The following ACSM3 variants were observed in gnomAD, a reference collection of about 807,000 sequenced individuals.
ACSM3 encodes the protein acyl-CoA synthetase medium chain family member 3, also known as acyl-coenzyme A synthetase ACSM3, mitochondrial.
ACSM3 carries 61 observed loss-of-function variants against 74.1 expected under a neutral mutation model. That is an observed-to-expected ratio of 0.82 (90% CI 0.67 to 1.02). The LOEUF (loss-of-function observed/expected upper bound fraction) is 1.02, where lower values mean the gene tolerates loss of function less well. Ranked by LOEUF, ACSM3 falls within the 50% of genes least tolerant of loss-of-function variation. ACSM3 has a pLI of 0.00. For synonymous variants in ACSM3, 213 were observed against 241.5 expected, an observed-to-expected ratio of 0.88 and a Z score of 1.09; for missense variants, 660 against 697.0, an observed-to-expected ratio of 0.95 and a Z score of 0.60.
At position 20,785,000 on chromosome 16, in the gene ACSM3, T is replaced by C. The variant is rs751545090; in HGVS notation, c.1036T>C (p.Leu346=). 3.7e-6 allele frequency: 6 copies of C among 1,613,498 alleles called. No individual in the cohort carries two copies. In the East Asian group the frequency reaches 1.3e-4, roughly 36 times the overall value. ...TCTGAGAAGCTATAAGTTTAAAAGC[T>C]TAAAGCACTGTGTGAGTGCTGGGGA... ...NDITSYKFKS[L]KHCVSAGEPI... is the part of the protein sequence containing the mutation. The change falls in exon 8 of 14, where the codon TTA becomes CTA. Residue 346 remains leucine, a synonymous_variant. Coordinates refer to ENST00000289416, the MANE Select transcript of ACSM3 (RefSeq NM_005622.4).
At chr16:20,680,794 G>T (rs1008121794) in intron 1 of ACSM3, 2 of 152,194 alleles carry the variant, frequency 1.3e-5, no homozygotes, top group Admixed American at 6.5e-5. Flanking sequence ...TCAACTAGAG[G>T]TTCCAAATGC....
In ACSM3 at chr16:20,790,826, A is replaced by C. The variant is rs765652600; in HGVS notation, c.1326+138A>C. ...ATTGGTTGTCCTGAATAGTAATCCA[A>C]AAGACAAGAAATTGAAGAAATACCC... On this transcript the variant is annotated intron_variant, in intron 10 of 13. Transcript: ENST00000289416. The surrounding 1 kb of genome is among the most constrained non-coding windows in gnomAD (Gnocchi z 4.0). The C allele has an allele frequency of 6.2e-7, 1 of 1,613,868 alleles. No homozygotes were observed. The highest frequency in any genetic ancestry group is 1.3e-5 in the African/African-American group (1 of 74,922).
intron 1 of ACSM3, among the ~76,000 whole-genome samples, chr16:20,683,573 C>T (rs2079488576): frequency 6.6e-6 from 1 of 152,040 alleles, no homozygotes; most frequent in Admixed American, 6.6e-5. Context: ...ATGCCTCACC[C>T]CATGCTTGGA....
In ACSM3 at chr16:20,770,609, G is replaced by A. The variant is rs541894723; in HGVS notation, c.219+356G>A. 1.5e-4 allele frequency among the ~76,000 whole-genome samples: 23 copies of A among 152,170 alleles called. 1 individual carries two copies. The highest frequency in any genetic ancestry group is 3.1e-4 in the Non-Finnish European group (21 of 68,006). On this transcript the variant is annotated intron_variant, in intron 2 of 13. Coordinates refer to ENST00000289416, the MANE Select transcript of ACSM3 (RefSeq NM_005622.4). ...AAAAGGAGGCACAGATAAATCTTTG[G>A]GGAAAATGTAAAGGATGCAAGAATT...
intron 3 of ACSM3, among the ~76,000 whole-genome samples, chr16:20,756,510 G>A (rs1462019032): frequency 1.3e-5 from 2 of 152,146 alleles, no homozygotes; most frequent in Non-Finnish European, 2.9e-5. Context: ...ATCTGTTTGA[G>A]TTCATTGTAG....
upstream of ACSM3, among the ~76,000 whole-genome samples, chr16:20,759,251 T>C (rs934973384): frequency 1.4e-4 from 21 of 152,150 alleles, no homozygotes; most frequent in African/African-American, 4.8e-4. Flanking sequence ...GCCTGTGTAA[T>C]GAAGCCTCTA....
chr16:20,765,434 ATTTTCT>A (rs1449064180), intron 1 of ACSM3, among the ~76,000 whole-genome samples: 1 of 152,110 alleles, frequency 6.6e-6, no homozygotes, highest in East Asian at 1.9e-4. Flanking sequence ...TGACTGATCA[ATTTTCT>A]TTTCAACATA....
At chr16:20,682,130 A>T in intron 1 of ACSM3, 1 of 870,328 alleles carries the variant, frequency 1.1e-6, no homozygotes, top group Non-Finnish European at 1.7e-6. Flanking sequence ...TTTGGATGTT[A>T]ATCTGACTGG....
At chr16:20,753,130 C>T (rs1402590674) in intron 2 of ACSM3, among the ~76,000 whole-genome samples, 1 of 151,056 alleles carries the variant, frequency 6.6e-6, no homozygotes, top group Non-Finnish European at 1.5e-5. Flanking sequence ...TGTTTGGACA[C>T]TGAGTTGAAA....
At position 20,796,996 on chromosome 16, in the gene ACSM3, C is replaced by T; in HGVS notation, c.*24C>T. 6.2e-7 allele frequency: 1 copy of T among 1,606,424 alleles called. No individual in the cohort carries two copies. Among genetic ancestry groups the T allele is most frequent in the African/African-American group, 1.3e-5 (1 of 74,576 alleles). Reference sequence around the variant, plus strand: ...AAAGTTGTTTCATTAATTACCATATCTATAAAACAAACATAGTATCTGTCA... The same window carrying T: ...AAAGTTGTTTCATTAATTACCATATTTATAAAACAAACATAGTATCTGTCA... On this transcript the variant is annotated 3_prime_UTR_variant, in exon 14 of 14. Coordinates refer to ENST00000289416, the MANE Select transcript of ACSM3 (RefSeq NM_005622.4).
chr16:20,792,239 T>C lies in ACSM3; in HGVS notation c.1458T>C (p.Tyr486=). The change falls in exon 12 of 14, where the codon TAT becomes TAC. Residue 486 remains tyrosine (Y), a synonymous_variant. Transcript: ENST00000289416. ...TTCCTGCCATATGTGTTTCTAGCTA[T>C]CGAATTGGACCATTTGAGGTAGAAA... ...RADDVILSSG[Y]RIGPFEVENA... The C allele has an allele frequency of 1.2e-6, 2 of 1,614,018 alleles. No homozygotes were observed. The highest frequency in any genetic ancestry group is 4.5e-5 in the East Asian group (2 of 44,888).
chr16:20,737,220 A>G, intron 1 of ACSM3: 3 of 1,614,180 alleles, frequency 1.9e-6, no homozygotes, highest in African/African-American at 2.7e-5. Context: ...GATGATTTCT[A>G]CTACCACTGT....
chr16:20,788,710 A>G (rs1337439770), intron 9 of ACSM3, among the ~76,000 whole-genome samples: 1 of 152,204 alleles, frequency 6.6e-6, no homozygotes, highest in East Asian at 1.9e-4. Context: ...CCTATGAACA[A>G]TGAGGAACAT....
intron 1 of ACSM3, among the ~76,000 whole-genome samples, chr16:20,696,309 C>T (rs756207449): frequency 9.9e-5 from 15 of 152,180 alleles, no homozygotes; most frequent in African/African-American, 3.1e-4. Flanking sequence ...GTCTCTGTTT[C>T]GATATCTATT....
At chr16:20,700,793 C>T (rs959323079) in intron 1 of ACSM3, among the ~76,000 whole-genome samples, 1 of 151,960 alleles carries the variant, frequency 6.6e-6, no homozygotes, top group African/African-American at 2.4e-5. Context: ...TAAAGTAATA[C>T]AGGAAAGTAA....
intron 1 of ACSM3, among the ~76,000 whole-genome samples, chr16:20,731,081 G>A (rs2079827690): frequency 6.6e-6 from 1 of 152,144 alleles, no homozygotes; most frequent in Non-Finnish European, 1.5e-5. Context: ...GACCAGGCTG[G>A]TTTCAAACTC....
upstream of ACSM3, chr16:20,763,945 G>C (rs1239730637): frequency 1.3e-5 from 2 of 152,210 alleles, no homozygotes; most frequent in Non-Finnish European, 2.9e-5. Context: ...CCTCCAGAAT[G>C]TCTCCACCAA....
intron 1 of ACSM3, among the ~76,000 whole-genome samples, chr16:20,740,210 T>C (rs1328351224): frequency 6.6e-6 from 1 of 152,174 alleles, no homozygotes; most frequent in Non-Finnish European, 1.5e-5. Context: ...CTGGACAACA[T>C]GGCCTGAGAA....
intron 1 of ACSM3, among the ~76,000 whole-genome samples, chr16:20,738,484 T>C (rs570145509): frequency 6.6e-6 from 1 of 152,234 alleles, no homozygotes; most frequent in South Asian, 2.1e-4. Context: ...CAAGTATATT[T>C]GGGGCTGCTC....
Sources: gnomAD v4.1 joint callset for allele counts (sites outside exome capture counted in the v4.1 genomes callset) on GRCh38, gnomAD v4.1.1 for gene constraint, Gnocchi (gnomAD v3.1) non-coding constraint, MANE v1.5 for transcripts, NCBI Gene and HGNC (gene_info 2026-07-23, HGNC 2026-07-21) for gene names.